AXDND1: variants seen among roughly 807,000 people sequenced by gnomAD.
AXDND1 encodes the protein axonemal dynein light chain domain containing 1.
AXDND1 carries 110 observed loss-of-function variants against 137.5 expected under a neutral mutation model. The ratio of observed to expected loss-of-function variants is 0.80; its 90% CI spans 0.69 to 0.94. The LOEUF (loss-of-function observed/expected upper bound fraction) is 0.94, where lower values mean the gene tolerates loss of function less well. Among genes scored for constraint, AXDND1 ranks in the 40% least tolerant of loss-of-function variants. The pLI is 0.00. For missense variants in AXDND1, 1,191 were observed against 1,169.8 expected (o/e 1.02, Z -0.26); for synonymous variants, 414 against 399.7 (o/e 1.04, Z -0.43).
At chr1:179,383,591 A>T in intron 8 of AXDND1, 47 bp downstream of exon 8, 4 of 1,438,492 alleles carry the variant, frequency 2.8e-6, no homozygotes, top group Non-Finnish European at 3.9e-6. Context: ...GCATGCACTC[A>T]GGAGGCAGAT....
chr1:179,507,502 C>G (rs989021500), intron 20 of AXDND1, among the ~76,000 whole-genome samples: 3 of 152,140 alleles, frequency 2.0e-5, no homozygotes, highest in African/African-American at 4.8e-5. Flanking sequence ...ATTAGTCAAG[C>G]TTTATATCTG....
chr1:179,489,266 T>G (rs1007347322), intron 18 of AXDND1, among the ~76,000 whole-genome samples: 2 of 152,222 alleles, frequency 1.3e-5, no homozygotes, highest in African/African-American at 4.8e-5. Flanking sequence ...GTAAAAGATA[T>G]TCTTTGTTTT....
intron 12 of AXDND1, among the ~76,000 whole-genome samples, chr1:179,422,270 A>G (rs377714560): frequency 0.64 from 97,265 of 151,520 alleles, 31,589 homozygotes; most frequent in Middle Eastern, 0.7. Flanking sequence ...ATAACAATAA[A>G]TTATAAACTT....
At position 179,391,115 on chromosome 1, in the gene AXDND1, T is replaced by C. The variant is rs1237795478; in HGVS notation, c.864-2788T>C. On this transcript the variant is annotated intron_variant, in intron 9 of 25. Coordinates refer to ENST00000367618, the MANE Select transcript of AXDND1 (RefSeq NM_144696.6). The stretch of plus-strand genomic sequence containing the variant: ...GCCACTGAGGCCAGACTTCTTCTTT[T>C]TTTTTTTTTTTTCCTATATTGTTCA... Among the ~76,000 whole-genome samples, 7 of 151,786 alleles carry C rather than the reference T, an allele frequency of 4.6e-5. No homozygotes were observed. The East Asian group carries it at 9.7e-4, about 21-fold the overall frequency.
At chr1:179,519,904 T>G (rs1669896525) in intron 21 of AXDND1, among the ~76,000 whole-genome samples, 1 of 152,202 alleles carries the variant, frequency 6.6e-6, no homozygotes, top group Non-Finnish European at 1.5e-5. Context: ...TTAAAATAGT[T>G]TTTTTCTAGT....
chr1:179,485,236 C>G (rs140578594), intron 18 of AXDND1, among the ~76,000 whole-genome samples: 1 of 152,192 alleles, frequency 6.6e-6, no homozygotes, highest in Non-Finnish European at 1.5e-5. Context: ...TAAACAAGCA[C>G]GGATCCCACT....
At chr1:179,547,489 T>C (rs1406825506) in intron 25 of AXDND1, among the ~76,000 whole-genome samples, 1 of 152,170 alleles carries the variant, frequency 6.6e-6, no homozygotes, top group East Asian at 1.9e-4. Context: ...GCAAAGAACG[T>C]GTAAGGCAGC....
chr1:179,544,673 C>CAAAAAAAAAAAAAAAAA (rs35843095), intron 25 of AXDND1: 1 of 111,148 alleles, frequency 9.0e-6, no homozygotes, highest in Non-Finnish European at 1.7e-5. Context: ...GACTCCATCT[C>CAAAAAAAAAAAAAAAAA]AAAAAAAAAA....
At chr1:179,462,769 G>A (rs936952057) in intron 16 of AXDND1, among the ~76,000 whole-genome samples, 3 of 151,890 alleles carry the variant, frequency 2.0e-5, no homozygotes, top group African/African-American at 7.3e-5. Flanking sequence ...TTTTCAGTTG[G>A]TAGGCTATTA....
chr1:179,428,725 G>T (rs1020094496), intron 12 of AXDND1, among the ~76,000 whole-genome samples: 1 of 152,194 alleles, frequency 6.6e-6, no homozygotes, highest in African/African-American at 2.4e-5. Flanking sequence ...TGAGAATCCA[G>T]CTCTGTTCTT....
intron 16 of AXDND1, among the ~76,000 whole-genome samples, chr1:179,458,482 AC>A (rs1327764409): frequency 9.9e-5 from 15 of 152,130 alleles, no homozygotes; most frequent in Admixed American, 7.2e-4. Flanking sequence ...GTTATTTATG[AC>A]AGTAGGTGCA....
chr1:179,515,329 G>C lies in AXDND1; in HGVS notation c.2496+5926G>C, dbSNP rs1423346492. On this transcript the variant is annotated intron_variant, in intron 21 of 25. Transcript: ENST00000367618. ...AAGACTATATCTTTCCTTCATATATGATGCTTAGTTTCGCTGGATACAAAA... is the reference window on the plus strand; with the variant it reads ...AAGACTATATCTTTCCTTCATATATCATGCTTAGTTTCGCTGGATACAAAA... Among the ~76,000 whole-genome samples the C allele has an allele frequency of 1.9e-4, 29 of 152,110 alleles. 1 individual carries two copies. Among genetic ancestry groups the C allele is most frequent in the Admixed American group, 1.9e-3 (29 of 15,262 alleles).
intron 21 of AXDND1, among the ~76,000 whole-genome samples, chr1:179,520,270 T>G (rs1445287709): frequency 6.6e-6 from 1 of 152,212 alleles, no homozygotes; most frequent in Non-Finnish European, 1.5e-5. Context: ...TTTATCAGCT[T>G]AAGAAGCTTT....
intron 16 of AXDND1, among the ~76,000 whole-genome samples, chr1:179,467,951 C>T (rs1231763711): frequency 1.3e-5 from 2 of 152,188 alleles, no homozygotes; most frequent in African/African-American, 4.8e-5. Flanking sequence ...TTAGGATCCA[C>T]ACTCAAGTTT....
intron 25 of AXDND1, among the ~76,000 whole-genome samples, chr1:179,550,127 A>G (rs1180321110): frequency 6.6e-6 from 1 of 152,172 alleles, no homozygotes; most frequent in African/African-American, 2.4e-5. Flanking sequence ...TGGCTTCAGA[A>G]TTTACTAACA....
Position 179,399,441 on chromosome 1 carries a change from G to A in AXDND1, c.1109+4239G>A, listed in dbSNP as rs373639431. 6.6e-5 allele frequency among the ~76,000 whole-genome samples: 10 copies of A among 151,818 alleles called. No individual in the cohort carries two copies. In the South Asian group the frequency reaches 2.1e-3, roughly 32 times the overall value. ...CAAAAATCAACTCAAGATGAACTAA[G>A]GACTTAAATCTAAGACCTGAAACTA... On this transcript the variant is annotated intron_variant, in intron 11 of 25. Transcript: ENST00000367618.
intron 25 of AXDND1, chr1:179,550,564 A>G (rs1334416754): frequency 6.6e-6 from 1 of 152,644 alleles, no homozygotes; most frequent in Non-Finnish European, 1.5e-5. Flanking sequence ...TTAATTAGGG[A>G]TAAATTGTAT....
At chr1:179,387,469 T>C (rs1571590279) in intron 9 of AXDND1, among the ~76,000 whole-genome samples, 1 of 152,194 alleles carries the variant, frequency 6.6e-6, no homozygotes, top group Non-Finnish European at 1.5e-5. Flanking sequence ...TCCTGAAAGG[T>C]CCACCTCTTA....
intron 12 of AXDND1, among the ~76,000 whole-genome samples, chr1:179,418,943 C>T (rs1406030759): frequency 9.4e-5 from 13 of 138,986 alleles, no homozygotes; most frequent in South Asian, 4.8e-4. Context: ...CAGACGGGGT[C>T]GCCGCCGGGC....
Sources: allele counts gnomAD v4.1 joint callset (sites outside exome capture counted in the v4.1 genomes callset), GRCh38; gene constraint gnomAD v4.1.1; transcripts MANE v1.5; gene names NCBI Gene and HGNC (gene_info 2026-07-23, HGNC 2026-07-21).